SCAP: variants seen among roughly 807,000 people sequenced by gnomAD.
SCAP encodes the protein SREBF chaperone.
SCAP carries 65 observed loss-of-function variants against 123.6 expected under a neutral mutation model. The ratio of observed to expected loss-of-function variants is 0.53; its 90% CI spans 0.43 to 0.65. The LOEUF is 0.65. Ranked by LOEUF, SCAP falls within the 30% of genes least tolerant of loss-of-function variation. SCAP has a pLI of 0.00. For missense variants in SCAP, 1,398 were observed against 1,712.5 expected, an observed-to-expected ratio of 0.82 and a Z score of 3.24; for synonymous variants, 740 against 726.3, an observed-to-expected ratio of 1.02 and a Z score of -0.30.
intron 9 of SCAP, among the ~76,000 whole-genome samples, chr3:47,423,704 TCTTA>T (rs1327356467): frequency 5.3e-5 from 8 of 152,196 alleles, no homozygotes; most frequent in African/African-American, 1.7e-4. Context: ...TGGTTTACTT[TCTTA>T]CTGACACATG....
intron 3 of SCAP, among the ~76,000 whole-genome samples, chr3:47,433,172 T>C (rs1235412851): frequency 2.0e-5 from 3 of 152,166 alleles, no homozygotes; most frequent in East Asian, 3.9e-4. Flanking sequence ...CTTACTCTGA[T>C]TTGGGTTGAA....
intron 9 of SCAP, chr3:47,422,752 T>A: frequency 2.0e-6 from 1 of 500,062 alleles, no homozygotes; most frequent in Non-Finnish European, 3.6e-6. Flanking sequence ...GAACGGGTGT[T>A]CACAGCCTGG....
chr3:47,421,289 C>G (rs1056222364), intron 10 of SCAP: 3 of 471,478 alleles, frequency 6.4e-6, no homozygotes, highest in Non-Finnish European at 1.2e-5. Context: ...CCTGAATCTT[C>G]CGGTCCCTCT....
At chr3:47,475,758 G>C (rs1436048336) in intron 1 of SCAP, 41 bp downstream of exon 1, 1 of 153,472 alleles carries the variant, frequency 6.5e-6, no homozygotes, top group African/African-American at 2.4e-5. Context: ...GGTCGAGCTG[G>C]GGCCCGCGGG....
At chr3:47,456,177 C>T (rs1707417644) in intron 1 of SCAP, among the ~76,000 whole-genome samples, 1 of 151,900 alleles carries the variant, frequency 6.6e-6, no homozygotes. Context: ...TCAAGGCAGA[C>T]AGATCACTTG....
At chr3:47,427,122 G>GAC (rs1344935458) in intron 6 of SCAP, 35 bp downstream of exon 6, 1 of 1,470,710 alleles carries the variant, frequency 6.8e-7, no homozygotes, top group Non-Finnish European at 9.5e-7. Flanking sequence ...TCACCCAGCA[G>GAC]ACCAGTCAAG....
chr3:47,414,578 A>C lies in SCAP; in HGVS notation c.3381T>G (p.Ile1127Met). 6.2e-7 allele frequency: 1 copy of C among 1,613,458 alleles called. No individual in the cohort carries two copies. Among genetic ancestry groups the C allele is most frequent in the Non-Finnish European group, 8.5e-7 (1 of 1,180,006 alleles). ...GHSGAITTVY[I>M]DQTMVLASGG... ...CCACCTGCAGGCCGCTTACCTGGTC[A>C]ATGTACACGGTCGTGATGGCCCCTG... The change falls in exon 21 of 23, where the codon ATT (isoleucine) becomes ATG (methionine). Residue 1127 changes from isoleucine (I) to methionine (M), a missense_variant. Transcript: ENST00000265565.
At chr3:47,453,614 T>G (rs1218582553) in intron 1 of SCAP, among the ~76,000 whole-genome samples, 2 of 152,150 alleles carry the variant, frequency 1.3e-5, no homozygotes, top group Non-Finnish European at 2.9e-5. Context: ...CTACATTATC[T>G]CCTGAATCCT....
intron 1 of SCAP, among the ~76,000 whole-genome samples, chr3:47,463,741 G>C (rs1707729508): frequency 6.6e-6 from 1 of 152,042 alleles, no homozygotes; most frequent in Non-Finnish European, 1.5e-5. Flanking sequence ...AAAGAAAACA[G>C]GGGCTTAGCC....
At chr3:47,431,532 T>C (rs1459726162) in intron 3 of SCAP, among the ~76,000 whole-genome samples, 1 of 152,110 alleles carries the variant, frequency 6.6e-6, no homozygotes, top group Non-Finnish European at 1.5e-5. Context: ...CTTGTGACAG[T>C]TTCTCAGACT....
At chr3:47,424,791 G>A (rs937189406) in intron 8 of SCAP, among the ~76,000 whole-genome samples, 4 of 152,098 alleles carry the variant, frequency 2.6e-5, no homozygotes, top group Non-Finnish European at 5.9e-5. Flanking sequence ...CTTTTCATAC[G>A]ACCAGCCTGA....
Position 47,464,990 on chromosome 3 carries a change from A to G in SCAP, c.-99+10809T>C, listed in dbSNP as rs145484697. Among the ~76,000 whole-genome samples the G allele has an allele frequency of 1.9e-3, 283 of 152,290 alleles. 2 individuals are homozygous for G. The highest frequency in any genetic ancestry group is 2.6e-3 in the Non-Finnish European group (179 of 68,022). On this transcript the variant is annotated intron_variant, in intron 1 of 22. Transcript: ENST00000265565. ...TTCACTGACAGTGAACAATCTAAAA[A>G]CAAAATTAGGAAAACATTCCATTTA...
intron 1 of SCAP, among the ~76,000 whole-genome samples, chr3:47,466,066 G>C (rs1320893405): frequency 6.7e-6 from 1 of 149,884 alleles, no homozygotes; most frequent in Admixed American, 6.7e-5. Flanking sequence ...CCAGGAGGTG[G>C]AGTTTGCAGT....
intron 8 of SCAP, 89 bp downstream of exon 8, chr3:47,425,396 A>C (rs1474845897): frequency 3.5e-6 from 5 of 1,427,700 alleles, no homozygotes; most frequent in Non-Finnish European, 4.7e-6. Flanking sequence ...AGGTCACAGC[A>C]AAGTCCAGGG....
At chr3:47,437,517 G>A (rs1706629477) in intron 2 of SCAP, among the ~76,000 whole-genome samples, 1 of 151,872 alleles carries the variant, frequency 6.6e-6, no homozygotes, top group Non-Finnish European at 1.5e-5. Context: ...AAGGCAGAAG[G>A]ATTTCTTGAG....
intron 18 of SCAP, among the ~76,000 whole-genome samples, chr3:47,416,687 C>T (rs1209240459): frequency 3.2e-5 from 4 of 124,736 alleles, no homozygotes; most frequent in Non-Finnish European, 4.7e-5. Context: ...AGTGCAGTGG[C>T]GGGATCTCGG....
At position 47,417,497 on chromosome 3, in the gene SCAP, G is replaced by A. The variant is rs17849130; in HGVS notation, c.2777C>T (p.Ala926Val). Residue 926 changes from alanine (A) to valine (V), a missense_variant, in exon 17 of 23, where the codon GCG (alanine) becomes GTG (valine). Ala to Val is a moderately conservative substitution (Grantham distance 64). Coordinates refer to ENST00000265565, the MANE Select transcript of SCAP (RefSeq NM_012235.4). ...VQRVYQEEGLAAVCTPALRPP... is the reference protein window; with the variant it reads ...VQRVYQEEGLVAVCTPALRPP... The stretch of plus-strand genomic sequence containing the variant: ...GCGCAGGGCTGGTGTGCAGACGGCC[G>A]CCAGCCCCTCCTCCTGGTACACCCG... The A allele has an allele frequency of 4.5e-4, 693 of 1,552,216 alleles. 10 individuals carry two copies. In the East Asian group the frequency reaches 0.016, roughly 36 times the overall value.
Position 47,442,909 on chromosome 3 carries a change from T to G in SCAP, c.85A>C (p.Ile29Leu). 5 of 1,614,114 alleles carry G rather than the reference T, an allele frequency of 3.1e-6. No individual in the cohort carries two copies. The highest frequency in any genetic ancestry group is 4.2e-6 in the Non-Finnish European group (5 of 1,180,012). The change falls in exon 2 of 23, where the codon ATC becomes CTC. Residue 29 changes from isoleucine to leucine, a missense_variant. Around this residue, in one of 7 missense-constraint regions of SCAP, gnomAD observed 319 missense variants for 432.4 expected, o/e 0.74. Transcript: ENST00000265565. ...ATGCAGAACCCTGTGAAGAGGATGA[T>G]GGGGATGGGATAGGATGCACAGAGG... ...GLLCASYPIP[I>L]ILFTGFCILA...
intron 18 of SCAP, among the ~76,000 whole-genome samples, chr3:47,415,564 A>T (rs1194323196): frequency 4.6e-5 from 7 of 152,100 alleles, no homozygotes; most frequent in African/African-American, 1.7e-4. Flanking sequence ...AGGGTGGGCT[A>T]TGTTGGGTGT....
Sources: gnomAD v4.1 joint callset for allele counts (sites outside exome capture counted in the v4.1 genomes callset) on GRCh38, gnomAD v4.1.1 for gene constraint, gnomAD v4.1.1 regional missense constraint, MANE v1.5 for transcripts, NCBI Gene and HGNC (gene_info 2026-07-23, HGNC 2026-07-21) for gene names.